Variants in RAB31 observed in about 807,000 individuals in gnomAD.
The protein encoded by RAB31 is RAB31, member RAS oncogene family, also known as ras-related protein Rab-31.
Under a neutral mutation model 25.6 loss-of-function variants are expected in RAB31, and 21 were observed. The observed-to-expected ratio is 0.82, with a 90% CI of 0.58 to 1.18. The LOEUF (loss-of-function observed/expected upper bound fraction) is 1.18, where lower values mean the gene tolerates loss of function less well. Ranked by LOEUF, RAB31 falls within the 50% of genes most tolerant of loss-of-function variation. The pLI, the probability that RAB31 is intolerant of heterozygous loss-of-function variation, is 0.00. For missense variants in RAB31, 196 were observed against 250.1 expected, an observed-to-expected ratio of 0.78 and a Z score of 1.46; for synonymous variants, 87 against 84.0, an observed-to-expected ratio of 1.04 and a Z score of -0.20.
chr18:9,770,852 CTTT>C (rs34745235), intron 1 of RAB31, among the ~76,000 whole-genome samples: 4 of 128,534 alleles, frequency 3.1e-5, no homozygotes, highest in South Asian at 2.5e-4. Flanking sequence ...AGAAATTTGA[CTTT>C]TTTTTTTTTT....
At chr18:9,846,934 T>C (rs653830) in intron 6 of RAB31, among the ~76,000 whole-genome samples, 99,408 of 151,492 alleles carry the variant, frequency 0.66, 32,690 homozygotes, top group South Asian at 0.77. Flanking sequence ...GGGTCTTCAC[T>C]CTCTTCCCTT....
intron 3 of RAB31, among the ~76,000 whole-genome samples, chr18:9,813,309 A>G (rs1293731825): frequency 6.6e-6 from 1 of 152,128 alleles, no homozygotes; most frequent in Non-Finnish European, 1.5e-5. Flanking sequence ...GGGTCCTGTG[A>G]TCTTTGCCAG....
At chr18:9,817,809 G>T (rs1034984841) in intron 5 of RAB31, among the ~76,000 whole-genome samples, 1 of 152,160 alleles carries the variant, frequency 6.6e-6, no homozygotes, top group African/African-American at 2.4e-5. Context: ...TCTTATATGT[G>T]CAATTTTCAT....
At chr18:9,824,551 T>C in intron 5 of RAB31, among the ~76,000 whole-genome samples, 1 of 152,130 alleles carries the variant, frequency 6.6e-6, no homozygotes, top group East Asian at 1.9e-4. Flanking sequence ...CCTGGCCTAT[T>C]TTGAGAATTT....
chr18:9,729,302 C>T (rs370648330), intron 1 of RAB31, among the ~76,000 whole-genome samples: 6 of 151,914 alleles, frequency 3.9e-5, no homozygotes, highest in Admixed American at 2.0e-4. Context: ...CTGAGGCGGG[C>T]GGATCACGAG....
At chr18:9,805,015 G>C (rs751562742) in intron 3 of RAB31, among the ~76,000 whole-genome samples, 1 of 152,188 alleles carries the variant, frequency 6.6e-6, no homozygotes, top group Non-Finnish European at 1.5e-5. Context: ...ATACTTGGAG[G>C]CTGAGATGGG....
At chr18:9,850,977 G>C (rs1250739838) in intron 6 of RAB31, among the ~76,000 whole-genome samples, 1 of 152,246 alleles carries the variant, frequency 6.6e-6, no homozygotes, top group African/African-American at 2.4e-5. Flanking sequence ...GTTAAGACTT[G>C]TGGGTAGTGA....
rs114780270 is a variant in RAB31, at chr18:9,725,725, C to T, written c.39+17281C>T. Reference sequence around the variant, plus strand: ...ATTTGAACCAGGTTTGAAGCATTTCCGTGGAAGGAAAACATGCAAATTCCC... The same window carrying T: ...ATTTGAACCAGGTTTGAAGCATTTCTGTGGAAGGAAAACATGCAAATTCCC... On this transcript the variant is annotated intron_variant, in intron 1 of 6. Transcript: ENST00000578921. 1.0e-3 allele frequency among the ~76,000 whole-genome samples: 159 copies of T among 152,182 alleles called. 1 individual carries two copies. Among genetic ancestry groups the T allele is most frequent in the African/African-American group, 3.6e-3 (151 of 41,532 alleles).
At chr18:9,807,235 A>C (rs2109615) in intron 3 of RAB31, among the ~76,000 whole-genome samples, 66,281 of 151,740 alleles carry the variant, frequency 0.44, 14,767 homozygotes, top group East Asian at 0.73. Context: ...GTGATGGGGC[A>C]TGTTCGGAGG....
intron 1 of RAB31, among the ~76,000 whole-genome samples, chr18:9,748,488 A>G (rs2068216775): frequency 6.6e-6 from 1 of 152,202 alleles, no homozygotes; most frequent in Non-Finnish European, 1.5e-5. Context: ...CCTAGGTGGC[A>G]GAGCAAGACC....
At chr18:9,781,180 A>C (rs186414904) in intron 2 of RAB31, among the ~76,000 whole-genome samples, 240 of 151,806 alleles carry the variant, frequency 1.6e-3, no homozygotes, top group African/African-American at 5.5e-3. Context: ...TTTTAACTTT[A>C]TAAAATTGTA....
chr18:9,792,115 C>T (rs768514290), intron 2 of RAB31, 39 bp from the exon 3 acceptor site: 9 of 1,574,166 alleles, frequency 5.7e-6, no homozygotes, highest in Non-Finnish European at 7.8e-6. Flanking sequence ...TGTGAAGAAA[C>T]AATGCAGTAA....
intron 1 of RAB31, among the ~76,000 whole-genome samples, chr18:9,737,986 C>A (rs2068159036): frequency 6.6e-6 from 1 of 152,176 alleles, no homozygotes; most frequent in African/African-American, 2.4e-5. Context: ...AGGCAGCCAG[C>A]CGGCCGGCAT....
At chr18:9,842,786 A>G (rs1424073057) in intron 5 of RAB31, among the ~76,000 whole-genome samples, 1 of 152,226 alleles carries the variant, frequency 6.6e-6, no homozygotes, top group Non-Finnish European at 1.5e-5. Context: ...AGTGAGGTGG[A>G]CAGAGTCACG....
intron 3 of RAB31, among the ~76,000 whole-genome samples, chr18:9,807,151 A>G (rs2068545832): frequency 1.3e-5 from 2 of 152,198 alleles, no homozygotes; most frequent in South Asian, 2.1e-4. Flanking sequence ...GGGTTGGCAC[A>G]CAGCAAAGTG....
rs367640319 is a variant in RAB31 at position 9,735,529 on chromosome 18, G to A, written c.39+27085G>A. The A allele has an allele frequency of 2.5e-4, 49 of 196,920 alleles. 1 individual carries two copies. The highest frequency in any genetic ancestry group is 9.1e-4 in the African/African-American group (39 of 43,026). The allele number at this position is 196,920 out of a possible 1,614,324, so 12.2% of individuals were successfully genotyped here. On this transcript the variant is annotated intron_variant, in intron 1 of 6. Transcript: ENST00000578921. ...TTACCACAGCCTCCACGGTGCTTCCGCACTCGGTGATGTGGCCATGGCCGT... is the reference window on the plus strand; with the variant it reads ...TTACCACAGCCTCCACGGTGCTTCCACACTCGGTGATGTGGCCATGGCCGT...
At chr18:9,796,589 A>G (rs552798531) in intron 3 of RAB31, among the ~76,000 whole-genome samples, 46 of 152,252 alleles carry the variant, frequency 3.0e-4, no homozygotes, top group Admixed American at 1.7e-3. Context: ...TAAAATGAGA[A>G]AGAAAAAATA....
chr18:9,843,559 A>C (rs1343905462), intron 5 of RAB31, among the ~76,000 whole-genome samples: 2 of 152,110 alleles, frequency 1.3e-5, no homozygotes, highest in South Asian at 2.1e-4. Context: ...AAAAAAAAAA[A>C]AAAAAACTTC....
At chr18:9,710,917 CTTT>C (rs148344186) in intron 1 of RAB31, among the ~76,000 whole-genome samples, 1 of 144,922 alleles carries the variant, frequency 6.9e-6, no homozygotes, top group African/African-American at 2.5e-5. Flanking sequence ...TTGTGGCTTC[CTTT>C]TTTTTTTTTT....
Sources: allele counts gnomAD v4.1 joint callset (sites outside exome capture counted in the v4.1 genomes callset), GRCh38; gene constraint gnomAD v4.1.1; transcripts MANE v1.5; gene names NCBI Gene and HGNC (gene_info 2026-07-23, HGNC 2026-07-21).